NAALADL2: variants seen among roughly 807,000 people sequenced by gnomAD.
NAALADL2 encodes inactive N-acetylated-alpha-linked acidic dipeptidase-like protein 2.
Under a neutral mutation model 87.2 loss-of-function variants are expected in NAALADL2, and 76 were observed. That is an observed-to-expected ratio of 0.87 (90% CI 0.72 to 1.05). The LOEUF (loss-of-function observed/expected upper bound fraction) is 1.05. NAALADL2 is among the 50% of genes least tolerant of loss of function. The probability of loss-of-function intolerance (pLI) is 0.00; values close to 1 mark genes in which losing one functional copy is unlikely to be tolerated. For missense variants in NAALADL2, 1,089 were observed against 945.8 expected, an observed-to-expected ratio of 1.15 and a Z score of -1.99; for synonymous variants, 354 against 331.0, an observed-to-expected ratio of 1.07 and a Z score of -0.75.
chr3:175,724,325 A>G (rs1371726839), intron 11 of NAALADL2, among the ~76,000 whole-genome samples: 1 of 152,188 alleles, frequency 6.6e-6, no homozygotes, highest in African/African-American at 2.4e-5. Context: ...AAAGACAAAA[A>G]TAAATCTTGG....
chr3:175,286,931 A>AT (rs1560293557), intron 4 of NAALADL2, among the ~76,000 whole-genome samples: 1 of 151,130 alleles, frequency 6.6e-6, no homozygotes, highest in East Asian at 2.0e-4. Context: ...TACAAAAACA[A>AT]ATCAGCAAGG....
intron 10 of NAALADL2, among the ~76,000 whole-genome samples, chr3:175,605,042 A>G (rs1723494494): frequency 6.6e-6 from 1 of 152,146 alleles, no homozygotes; most frequent in Non-Finnish European, 1.5e-5. Flanking sequence ...AATCATAAAA[A>G]TTGTTCATTC....
chr3:175,463,632 T>C (rs1035590629), intron 7 of NAALADL2, 139 bp downstream of exon 7: 10 of 428,778 alleles, frequency 2.3e-5, no homozygotes, highest in Non-Finnish European at 4.0e-5. Context: ...AGTAGATAAA[T>C]TTGAAACTAA....
intron 2 of NAALADL2, among the ~76,000 whole-genome samples, chr3:175,128,931 TTTTGTTTG>T (rs372616563): frequency 1.3e-5 from 2 of 151,616 alleles, no homozygotes; most frequent in Admixed American, 6.6e-5. Context: ...ACCAATTTTT[TTTTGTTTG>T]TTTGTTTGTT....
intron 1 of NAALADL2, among the ~76,000 whole-genome samples, chr3:174,534,505 G>A (rs1221920647): frequency 6.6e-6 from 1 of 152,146 alleles, no homozygotes; most frequent in Non-Finnish European, 1.5e-5. Flanking sequence ...GTTGGCTTTG[G>A]CCTTAGACTA....
chr3:175,226,652 A>C (rs1425735659), intron 2 of NAALADL2, among the ~76,000 whole-genome samples: 1 of 152,136 alleles, frequency 6.6e-6, no homozygotes, highest in Non-Finnish European at 1.5e-5. Context: ...TGTGATGATT[A>C]AGCATAATAG....
chr3:175,791,881 G>A (rs1752824582), intron 13 of NAALADL2, among the ~76,000 whole-genome samples: 2 of 148,544 alleles, frequency 1.3e-5, no homozygotes, highest in South Asian at 4.3e-4. Flanking sequence ...ACAGCTGACA[G>A]TGTGGAATTT....
rs527412716 is a variant in NAALADL2 at position 175,253,491 on chromosome 3, C to T, written c.820-2920C>T. Among the ~76,000 whole-genome samples the T allele has an allele frequency of 5.3e-5, 8 of 152,284 alleles. No individual in the cohort carries two copies. In the South Asian group the frequency reaches 1.7e-3, roughly 32 times the overall value. On this transcript the variant is annotated intron_variant, in intron 3 of 13. Coordinates refer to ENST00000454872, the MANE Select transcript of NAALADL2 (RefSeq NM_207015.3). The stretch of plus-strand genomic sequence containing the variant: ...ACCCAAGAGCTCCGATGGTGATGTA[C>T]AGGAGGTTCATGTTGTTTTCAAAGC...
At chr3:175,615,582 G>A (rs1258908036) in intron 10 of NAALADL2, among the ~76,000 whole-genome samples, 1 of 151,926 alleles carries the variant, frequency 6.6e-6, no homozygotes, top group Admixed American at 6.6e-5. Flanking sequence ...TATTGGCCGG[G>A]CATGATGGCT....
At chr3:175,126,997 G>T (rs919197014) in intron 2 of NAALADL2, among the ~76,000 whole-genome samples, 14 of 151,844 alleles carry the variant, frequency 9.2e-5, no homozygotes, top group African/African-American at 3.4e-4. Flanking sequence ...GGTCTGAGGG[G>T]TAAAGAAACA....
At chr3:174,914,820 C>G (rs1461345433) in intron 1 of NAALADL2, among the ~76,000 whole-genome samples, 5 of 152,094 alleles carry the variant, frequency 3.3e-5, no homozygotes, top group Non-Finnish European at 5.9e-5. Flanking sequence ...TGACCAGAGT[C>G]TTTGTAGCTG....
At chr3:175,239,003 C>A (rs1746386736) in intron 3 of NAALADL2, among the ~76,000 whole-genome samples, 1 of 152,260 alleles carries the variant, frequency 6.6e-6, no homozygotes, top group African/African-American at 2.4e-5. Flanking sequence ...CATCATAGGA[C>A]CGTTTTGTGT....
intron 2 of NAALADL2, among the ~76,000 whole-genome samples, chr3:174,643,138 C>A (rs1723422515): frequency 6.6e-6 from 1 of 152,100 alleles, no homozygotes; most frequent in South Asian, 2.1e-4. Flanking sequence ...TTCACTTGTT[C>A]AAGATTTATT....
chr3:174,668,311 C>T (rs1726169604), intron 2 of NAALADL2, among the ~76,000 whole-genome samples: 1 of 152,012 alleles, frequency 6.6e-6, no homozygotes, highest in South Asian at 2.1e-4. Flanking sequence ...CCATACATTG[C>T]CTTTCACTCC....
intron 5 of NAALADL2, among the ~76,000 whole-genome samples, chr3:175,445,023 C>T (rs193086906): frequency 6.4e-4 from 98 of 152,282 alleles, no homozygotes; most frequent in African/African-American, 2.2e-3. Context: ...TCTGCGCCCT[C>T]TGAAGTCCCG....
chr3:175,749,514 A>C (rs1488376310), intron 12 of NAALADL2, among the ~76,000 whole-genome samples: 1 of 152,022 alleles, frequency 6.6e-6, no homozygotes, highest in Non-Finnish European at 1.5e-5. Context: ...CCTTTGGAGG[A>C]GGGGAACACT....
At chr3:174,870,007 CAAAAAAAAAAA>C (rs71624295) in intron 1 of NAALADL2, among the ~76,000 whole-genome samples, 1 of 62,862 alleles carries the variant, frequency 1.6e-5, no homozygotes, top group Non-Finnish European at 2.9e-5. Context: ...CCCCACCCGC[CAAAAAAAAAAA>C]AAAAAAAAAA....
chr3:174,844,811 T>A (rs1724405013), intron 3 of NAALADL2, among the ~76,000 whole-genome samples: 1 of 149,368 alleles, frequency 6.7e-6, no homozygotes, highest in Non-Finnish European at 1.5e-5. Flanking sequence ...GCAATTTTAA[T>A]GAACTTGTTT....
intron 12 of NAALADL2, among the ~76,000 whole-genome samples, chr3:175,751,969 T>A (rs1377049162): frequency 6.6e-6 from 1 of 152,084 alleles, no homozygotes; most frequent in Non-Finnish European, 1.5e-5. Flanking sequence ...GCAACTATAA[T>A]GGATTTTTAG....
Sources: allele counts gnomAD v4.1 joint callset (sites outside exome capture counted in the v4.1 genomes callset), GRCh38; gene constraint gnomAD v4.1.1; transcripts MANE v1.5; gene names NCBI Gene and HGNC (gene_info 2026-07-23, HGNC 2026-07-21).